The following PHTF2 variants were observed in gnomAD, a reference collection of about 807,000 sequenced individuals.
PHTF2 encodes putative homeodomain transcription factor 2.
In PHTF2, 60 loss-of-function variants were observed where a neutral mutation model predicts 101.2. That is an observed-to-expected ratio of 0.59 (90% CI 0.48 to 0.73). The LOEUF (loss-of-function observed/expected upper bound fraction) is 0.73. Among genes scored for constraint, PHTF2 ranks in the 30% least tolerant of loss-of-function variants. The pLI is 0.00. For missense variants in PHTF2, 747 were observed against 908.7 expected (o/e 0.82, Z 2.29); for synonymous variants, 311 against 307.3 (o/e 1.01, Z -0.13).
chr7:77,835,221 C>T (rs1584439487), intron 1 of PHTF2, among the ~76,000 whole-genome samples: 1 of 149,860 alleles, frequency 6.7e-6, no homozygotes, highest in East Asian at 2.0e-4. Context: ...TTGCAGTGAG[C>T]CGAGATCACA....
intron 1 of PHTF2, among the ~76,000 whole-genome samples, chr7:77,837,210 T>G (rs1358176998): frequency 6.6e-6 from 1 of 152,132 alleles, no homozygotes; most frequent in Non-Finnish European, 1.5e-5. Context: ...CCCAGTAGGT[T>G]TTTTATGCTT....
chr7:77,950,515 G>C (rs1239861857), intron 17 of PHTF2, among the ~76,000 whole-genome samples: 2 of 152,140 alleles, frequency 1.3e-5, no homozygotes, highest in African/African-American at 4.8e-5. Context: ...ACAAAAATTA[G>C]CCAGGTATGG....
At position 77,927,314 on chromosome 7, in the gene PHTF2, G is replaced by C. The variant is rs192984935; in HGVS notation, c.1120-1795G>C. Among the ~76,000 whole-genome samples, 1,297 of 151,502 alleles carry C rather than the reference G, an allele frequency of 8.6e-3. 21 individuals carry two copies. The highest frequency in any genetic ancestry group is 0.03 in the African/African-American group (1,224 of 41,276). On this transcript the variant is annotated intron_variant, in intron 11 of 19. Coordinates refer to ENST00000416283, the Ensembl canonical transcript of PHTF2. Reference sequence around the variant, plus strand: ...TGAATATAAATAATAACTCACTTCAGGCCGGGCTTGGTGGCTCACGCCTGT... The same window carrying C: ...TGAATATAAATAATAACTCACTTCACGCCGGGCTTGGTGGCTCACGCCTGT...
At chr7:77,806,092 T>C (rs1459260372) in intron 1 of PHTF2, among the ~76,000 whole-genome samples, 1 of 152,044 alleles carries the variant, frequency 6.6e-6, no homozygotes, top group Non-Finnish European at 1.5e-5. Context: ...GAAGAATCCT[T>C]TGAACCTGGG....
At chr7:77,922,137 C>T (rs1169242829) in intron 10 of PHTF2, among the ~76,000 whole-genome samples, 1 of 151,048 alleles carries the variant, frequency 6.6e-6, no homozygotes, top group Non-Finnish European at 1.5e-5. Flanking sequence ...ATCCTCTCAC[C>T]TCACTCTCCT....
chr7:77,852,156 G>A (rs1796816911), intron 2 of PHTF2, among the ~76,000 whole-genome samples: 1 of 152,092 alleles, frequency 6.6e-6, no homozygotes, highest in Admixed American at 6.6e-5. Context: ...CTCTTGAGTA[G>A]CTGGGACCAC....
intron 3 of PHTF2, among the ~76,000 whole-genome samples, chr7:77,859,322 A>G (rs1235026859): frequency 6.6e-6 from 1 of 152,190 alleles, no homozygotes; most frequent in African/African-American, 2.4e-5. Flanking sequence ...TAACTGAAGT[A>G]TATTTACTGG....
intron 3 of PHTF2, among the ~76,000 whole-genome samples, chr7:77,876,707 A>G (rs1233622454): frequency 6.6e-6 from 1 of 152,178 alleles, no homozygotes; most frequent in Admixed American, 6.5e-5. Flanking sequence ...AGCCTGGGCA[A>G]CAAAGTGAGA....
At chr7:77,858,948 A>G (rs1190742450) in intron 3 of PHTF2, among the ~76,000 whole-genome samples, 1 of 152,212 alleles carries the variant, frequency 6.6e-6, no homozygotes, top group Non-Finnish European at 1.5e-5. Context: ...TCATGAGTCC[A>G]GAAGTCCAAA....
chr7:77,940,715 A>G, intron 15 of PHTF2, 56 bp downstream of exon 14: 1 of 1,243,732 alleles, frequency 8.0e-7, no homozygotes, highest in Non-Finnish European at 1.1e-6. Context: ...TGATAGTTCC[A>G]GTTTCTTTAT....
chr7:77,876,724 C>A (rs1204398347), intron 3 of PHTF2, among the ~76,000 whole-genome samples: 1 of 152,016 alleles, frequency 6.6e-6, no homozygotes, highest in Non-Finnish European at 1.5e-5. Flanking sequence ...GAGATCCTGT[C>A]TCTACAAAAT....
intron 5 of PHTF2, among the ~76,000 whole-genome samples, chr7:77,894,480 T>C (rs1800717662): frequency 6.6e-6 from 1 of 152,208 alleles, no homozygotes; most frequent in Admixed American, 6.5e-5. Flanking sequence ...TCCAAAAATT[T>C]GTTAATGTTT....
chr7:77,906,847 G>A (rs2150853209), intron 7 of PHTF2, among the ~76,000 whole-genome samples: 1 of 150,934 alleles, frequency 6.6e-6, no homozygotes, highest in East Asian at 2.0e-4. Context: ...GGCGGAGCTT[G>A]CAGTGAGCCG....
intron 12 of PHTF2, among the ~76,000 whole-genome samples, chr7:77,935,709 C>A (rs973942640): frequency 1.3e-5 from 2 of 152,156 alleles, no homozygotes; most frequent in African/African-American, 4.8e-5. Context: ...TCTAGATGGG[C>A]TTTCTTGGTA....
At chr7:77,909,942 C>T (rs998586173) in intron 8 of PHTF2, 1 of 193,158 alleles carries the variant, frequency 5.2e-6, no homozygotes, top group African/African-American at 2.3e-5. Flanking sequence ...TCTTCATCTG[C>T]AGATAAGTGG....
intron 1 of PHTF2, among the ~76,000 whole-genome samples, chr7:77,829,391 T>C (rs1287365903): frequency 3.9e-5 from 6 of 152,242 alleles, no homozygotes; most frequent in Non-Finnish European, 7.3e-5. Flanking sequence ...ACTGGTATAA[T>C]AGAAAATGTA....
At position 77,953,764 on chromosome 7, in the gene PHTF2, G is replaced by A. The variant is rs778336406; in HGVS notation, c.2212-5G>A. On this transcript the variant is annotated splice_polypyrimidine_tract_variant and splice_region_variant and intron_variant, in intron 18 of 19. Coordinates refer to ENST00000416283, the Ensembl canonical transcript of PHTF2. ...TGGGACTGACTTTTTTTTCTCTTCT[G>A]CTAGGAGTTGGACAGTCCTTTTAGA... The A allele has an allele frequency of 1.9e-6, 3 of 1,603,980 alleles. No individual in the cohort carries two copies.
chr7:77,927,199 TACACACACACACAC>T (rs375873189), intron 11 of PHTF2, among the ~76,000 whole-genome samples: 1 of 108,548 alleles, frequency 9.2e-6, no homozygotes, highest in Non-Finnish European at 1.8e-5. Context: ...TATATATACA[TACACACACACACAC>T]ACACACACAC....
Position 77,956,412 on chromosome 7 carries a change from C to T in PHTF2, c.*1534C>T, listed in dbSNP as rs995520891. 6 of 152,564 alleles carry T rather than the reference C, an allele frequency of 3.9e-5. No homozygotes were observed. The East Asian group carries it at 1.2e-3, about 29-fold the overall frequency. The allele number at this position is 152,564 out of a possible 1,614,324, so 9.5% of individuals were successfully genotyped here. A position where few individuals can be genotyped will look rare whatever the true frequency, so the allele number is the denominator to read the frequency against. ...CCATTCCTTTTGATCAGCCTCAATTCAGCCTCATTGTGTAGTATGTTTTTT... is the reference window on the plus strand; with the variant it reads ...CCATTCCTTTTGATCAGCCTCAATTTAGCCTCATTGTGTAGTATGTTTTTT... On this transcript the variant is annotated 3_prime_UTR_variant, in exon 20 of 20. Transcript: ENST00000416283.
Sources: gnomAD v4.1 joint callset for allele counts (sites outside exome capture counted in the v4.1 genomes callset) on GRCh38, gnomAD v4.1.1 for gene constraint, MANE v1.5 for transcripts, NCBI Gene and HGNC (gene_info 2026-07-23, HGNC 2026-07-21) for gene names.